Variants in RYR2 observed in about 807,000 individuals in gnomAD.
RYR2 encodes cardiac muscle ryanodine receptor-calcium release channel.
Under a neutral mutation model 601.1 loss-of-function variants are expected in RYR2, and 227 were observed. That is an observed-to-expected ratio of 0.38 (90% CI 0.34 to 0.42). The LOEUF is 0.42. RYR2 is among the 10% of genes least tolerant of loss of function. RYR2 has a pLI of 1.00. For missense variants in RYR2, 4,646 were observed against 6,156.5 expected, an observed-to-expected ratio of 0.75 and a Z score of 8.21; for synonymous variants, 2,223 against 2,175.1, an observed-to-expected ratio of 1.02 and a Z score of -0.61.
chr1:237,742,682 C>T (rs913886187), intron 80 of RYR2, among the ~76,000 whole-genome samples: 1 of 152,144 alleles, frequency 6.6e-6, no homozygotes, highest in Non-Finnish European at 1.5e-5. Context: ...TATTGAAGAA[C>T]AACATGATGT....
intron 1 of RYR2, among the ~76,000 whole-genome samples, chr1:237,072,947 CAAA>C (rs34070186): frequency 9.6e-6 from 1 of 104,204 alleles, no homozygotes. Context: ...GACTCCATCT[CAAA>C]AAAAAAAAAA....
At chr1:237,185,565 T>G (rs967053493) in intron 1 of RYR2, among the ~76,000 whole-genome samples, 1 of 152,074 alleles carries the variant, frequency 6.6e-6, no homozygotes, top group South Asian at 2.1e-4. Context: ...CTCTCGGTGC[T>G]CCTGTGTCAG....
intron 63 of RYR2, among the ~76,000 whole-genome samples, chr1:237,694,841 C>T (rs1687274445): frequency 6.6e-6 from 1 of 152,176 alleles, no homozygotes; most frequent in Admixed American, 6.5e-5. Context: ...GTCATTGACA[C>T]TCTGCAATTT....
intron 17 of RYR2, among the ~76,000 whole-genome samples, chr1:237,486,536 C>CT (rs1662707410): frequency 7.6e-6 from 1 of 131,672 alleles, no homozygotes; most frequent in Non-Finnish European, 1.7e-5. Flanking sequence ...TAAAAGACTC[C>CT]ATAGATTAAA....
intron 1 of RYR2, among the ~76,000 whole-genome samples, chr1:237,096,451 G>A (rs1006080915): frequency 1.3e-5 from 2 of 152,160 alleles, no homozygotes; most frequent in East Asian, 3.9e-4. Flanking sequence ...ACAGCAATAG[G>A]TGGCGGATAA....
chr1:237,546,789 A>G (rs1214636108), intron 25 of RYR2, among the ~76,000 whole-genome samples: 3 of 151,782 alleles, frequency 2.0e-5, no homozygotes, highest in Non-Finnish European at 4.4e-5. Flanking sequence ...GCTGTAATAT[A>G]TTGATTCATT....
chr1:237,374,877 C>A, intron 7 of RYR2, 82 bp downstream of exon 7: 1 of 1,026,168 alleles, frequency 9.7e-7, no homozygotes. Context: ...AAATACGATA[C>A]ATGGGATGAA....
intron 23 of RYR2, among the ~76,000 whole-genome samples, chr1:237,511,092 A>G (rs1183781352): frequency 6.6e-6 from 1 of 152,178 alleles, no homozygotes. Context: ...AAACTAAGTC[A>G]TTGCCACACC....
chr1:237,255,350 A>G (rs1452073209), intron 1 of RYR2, among the ~76,000 whole-genome samples: 2 of 152,338 alleles, frequency 1.3e-5, no homozygotes, highest in East Asian at 3.9e-4. Flanking sequence ...ATAATTGTCA[A>G]ATTAAATGCT....
chr1:237,550,372 T>G (rs923663760), intron 26 of RYR2, among the ~76,000 whole-genome samples, 172 bp from the exon 27 acceptor site: 16 of 152,202 alleles, frequency 1.1e-4, no homozygotes, highest in African/African-American at 3.9e-4. Flanking sequence ...TTCATTTGAT[T>G]GAATCCTGTA....
chr1:237,234,096 A>G (rs1040030871), intron 1 of RYR2, among the ~76,000 whole-genome samples: 3 of 152,094 alleles, frequency 2.0e-5, no homozygotes, highest in Non-Finnish European at 2.9e-5. Context: ...TGTTTAACCA[A>G]CCTCAGGGAA....
chr1:237,301,356 T>G (rs1013495689), intron 2 of RYR2, among the ~76,000 whole-genome samples: 4 of 152,198 alleles, frequency 2.6e-5, no homozygotes, highest in Non-Finnish European at 5.9e-5. Context: ...AAATATTGTT[T>G]GTCTTTTTTT....
At chr1:237,220,550 C>T (rs1472591549) in intron 1 of RYR2, among the ~76,000 whole-genome samples, 1 of 152,192 alleles carries the variant, frequency 6.6e-6, no homozygotes, top group Non-Finnish European at 1.5e-5. Flanking sequence ...GCCAATTCCT[C>T]CCAGTCATCC....
intron 1 of RYR2, among the ~76,000 whole-genome samples, chr1:237,210,503 G>A (rs1382943342): frequency 6.6e-5 from 10 of 152,120 alleles, no homozygotes; most frequent in Admixed American, 5.9e-4. Context: ...GCATGGCTCT[G>A]GGGTGGATGT....
At chr1:237,375,250 C>A (rs557155398) in intron 7 of RYR2, among the ~76,000 whole-genome samples, 9 of 152,266 alleles carry the variant, frequency 5.9e-5, no homozygotes, top group Admixed American at 2.0e-4. Flanking sequence ...CCTGTCCAAG[C>A]AGACATGCAT....
At chr1:237,483,263 C>T (rs1358260627) in intron 17 of RYR2, among the ~76,000 whole-genome samples, 2 of 152,186 alleles carry the variant, frequency 1.3e-5, no homozygotes, top group African/African-American at 4.8e-5. Context: ...ATTGGTAATT[C>T]TTCCCTGTTG....
At chr1:237,680,265 A>G (rs1558205796) in intron 61 of RYR2, among the ~76,000 whole-genome samples, 191 bp from the exon 62 acceptor site, 1 of 152,128 alleles carries the variant, frequency 6.6e-6, no homozygotes, top group East Asian at 1.9e-4. Flanking sequence ...TGTTCACCAT[A>G]ATCACATCCT....
Position 237,784,170 on chromosome 1 carries a change from G to C in RYR2, c.12458G>C (p.Ser4153Thr), listed in dbSNP as rs999437630. 3 of 1,614,024 alleles carry C rather than the reference G, an allele frequency of 1.9e-6. No individual in the cohort carries two copies. ...KRIERVYFEI[S>T]ESSRTQWEKP... ...ATCGAGAGGGTCTATTTTGAAATCA[G>C]TGAGTCCAGCCGAACCCAGTGGGAG... The change falls in exon 90 of 105, where the codon AGT becomes ACT. Residue 4153 changes from serine (S) to threonine (T), a missense_variant. Coordinates refer to ENST00000366574, the MANE Select transcript of RYR2 (RefSeq NM_001035.3). This position sits in a 1 kb window ranked among gnomAD's most constrained non-coding sequence, Gnocchi z 7.1.
intron 62 of RYR2, among the ~76,000 whole-genome samples, chr1:237,684,522 A>G (rs745821994): frequency 1.2e-4 from 19 of 152,136 alleles, no homozygotes; most frequent in Admixed American, 6.6e-4. Context: ...GCAAGTAGAA[A>G]AAGGTCCAAC....
Sources: allele counts gnomAD v4.1 joint callset (sites outside exome capture counted in the v4.1 genomes callset), GRCh38; gene constraint gnomAD v4.1.1; non-coding constraint Gnocchi (gnomAD v3.1); transcripts MANE v1.5; gene names NCBI Gene and HGNC (gene_info 2026-07-23, HGNC 2026-07-21).